Variants in FER1L6 observed in about 807,000 individuals in gnomAD.
The protein encoded by FER1L6 is fer-1 like family member 6.
A neutral mutation model predicts 219.2 loss-of-function variants in FER1L6; 177 were observed. The observed-to-expected ratio is 0.81, with a 90% CI of 0.71 to 0.91. The LOEUF is 0.91. Among genes scored for constraint, FER1L6 ranks in the 40% least tolerant of loss-of-function variants. The pLI, the probability that FER1L6 is intolerant of heterozygous loss-of-function variation, is 0.00. For missense variants in FER1L6, 2,153 were observed against 2,259.9 expected (o/e 0.95, Z 0.96); for synonymous variants, 768 against 824.3 (o/e 0.93, Z 1.17).
intron 37 of FER1L6, 75 bp from the exon 38 acceptor site, chr8:124,101,022 C>T: frequency 7.2e-7 from 1 of 1,380,590 alleles, no homozygotes; most frequent in South Asian, 1.2e-5. Flanking sequence ...TTGAAATAAG[C>T]TAAATCACTT....
chr8:124,091,461 C>A lies in FER1L6; in HGVS notation c.4430C>A (p.Thr1477Asn). ...YNAWRDTSKP[T>N]EILTKLCKDN... The stretch of plus-strand genomic sequence containing the variant: ...GCCTGGAGAGACACGTCCAAACCCA[C>A]CGAAATCCTCACTAAGCTCTGCAAA... Residue 1477 changes from threonine (T) to asparagine (N), a missense_variant, in exon 34 of 41, where the codon ACC becomes AAC. Physicochemically the swap from Thr to Asn is moderately conservative, Grantham distance 65. Transcript: ENST00000522917. 6.2e-7 allele frequency: 1 copy of A among 1,614,062 alleles called. No homozygotes were observed. The highest frequency in any genetic ancestry group is 1.1e-5 in the South Asian group (1 of 91,076).
chr8:124,024,584 A>G (rs1372736459), intron 18 of FER1L6, among the ~76,000 whole-genome samples: 1 of 152,112 alleles, frequency 6.6e-6, no homozygotes, highest in African/African-American at 2.4e-5. Context: ...TATATATCAC[A>G]TTTTCTTAAT....
intron 25 of FER1L6, 54 bp downstream of exon 25, chr8:124,062,086 C>T (rs1476826804): frequency 6.3e-7 from 1 of 1,579,520 alleles, no homozygotes; most frequent in Non-Finnish European, 8.7e-7. Context: ...ATGGTGCCTG[C>T]AGAGTGCCTG....
At chr8:123,883,683 T>A (rs189611828) in intron 1 of FER1L6, among the ~76,000 whole-genome samples, 1 of 152,316 alleles carries the variant, frequency 6.6e-6, no homozygotes, top group African/African-American at 2.4e-5. Flanking sequence ...GAACAAGGCA[T>A]CGGTAGATTC....
intron 1 of FER1L6, among the ~76,000 whole-genome samples, chr8:123,901,886 T>C (rs367572225): frequency 2.6e-5 from 4 of 151,938 alleles, no homozygotes; most frequent in African/African-American, 7.2e-5. Flanking sequence ...GCCTGGCCAA[T>C]TTTTTTGCAT....
intron 20 of FER1L6, among the ~76,000 whole-genome samples, chr8:124,043,041 C>T (rs1219960758): frequency 6.6e-6 from 1 of 152,178 alleles, no homozygotes; most frequent in Non-Finnish European, 1.5e-5. Context: ...CTGCCATTTG[C>T]AACAACCAGG....
chr8:123,954,366 C>T (rs1332747955), intron 1 of FER1L6, among the ~76,000 whole-genome samples: 1 of 152,244 alleles, frequency 6.6e-6, no homozygotes, highest in East Asian at 1.9e-4. Context: ...AACCTCATTT[C>T]CTTGCAAAGT....
intron 1 of FER1L6, among the ~76,000 whole-genome samples, chr8:123,874,723 C>G (rs1003338676): frequency 6.6e-6 from 1 of 152,194 alleles, no homozygotes; most frequent in Admixed American, 6.5e-5. Context: ...TGTTCTTCTC[C>G]ATCAGCATCT....
intron 1 of FER1L6, among the ~76,000 whole-genome samples, chr8:123,916,002 CAAT>C (rs1813178479): frequency 6.6e-6 from 1 of 152,116 alleles, no homozygotes; most frequent in Non-Finnish European, 1.5e-5. Context: ...AATGCTTGGA[CAAT>C]AATGTTTGCT....
At chr8:123,898,852 C>T (rs9774067) in intron 1 of FER1L6, among the ~76,000 whole-genome samples, 10 of 107,308 alleles carry the variant, frequency 9.3e-5, no homozygotes, top group Admixed American at 3.7e-4. Context: ...CATATATACA[C>T]ACACACACAC....
In FER1L6 at chr8:124,008,361, T is replaced by C. The variant is rs117756087; in HGVS notation, c.1701-2233T>C. ...ATCCACTCATTGATTGATGGGCAATTGGGCTAGTTCCACATTTTTCCAATC... is the reference window on the plus strand; with the variant it reads ...ATCCACTCATTGATTGATGGGCAATCGGGCTAGTTCCACATTTTTCCAATC... On this transcript the variant is annotated intron_variant, in intron 13 of 40. Coordinates refer to ENST00000522917, the MANE Select transcript of FER1L6 (RefSeq NM_001039112.2). Among the ~76,000 whole-genome samples, 1,362 of 152,350 alleles carry C rather than the reference T, an allele frequency of 8.9e-3. 16 individuals carry two copies. The highest frequency in any genetic ancestry group is 0.014 in the Non-Finnish European group (982 of 68,024).
In FER1L6 at chr8:124,051,324, G is replaced by A. The variant is rs71516726; in HGVS notation, c.2874+1568G>A. Among the ~76,000 whole-genome samples, 1,416 of 152,108 alleles carry A rather than the reference G, an allele frequency of 9.3e-3. 10 individuals are homozygous for A. Among genetic ancestry groups the A allele is most frequent in the South Asian group, 0.023 (112 of 4,814 alleles). ...CAACCTAAGACAGAGGTGTTGATCT[G>A]ACTAAAAGGTAAAGTACCACCAGGC... On this transcript the variant is annotated intron_variant, in intron 22 of 40. Coordinates refer to ENST00000522917, the MANE Select transcript of FER1L6 (RefSeq NM_001039112.2).
intron 1 of FER1L6, among the ~76,000 whole-genome samples, chr8:123,876,492 TTTG>T (rs1402998202): frequency 6.6e-6 from 1 of 151,850 alleles, no homozygotes; most frequent in East Asian, 1.9e-4. Context: ...CTACATTTTT[TTTG>T]TTTTTTGTTT....
chr8:123,969,995 G>T, intron 5 of FER1L6, 40 bp from the exon 6 acceptor site: 1 of 1,570,412 alleles, frequency 6.4e-7, no homozygotes. Flanking sequence ...TTAGGTGCAA[G>T]TCTGGGGTTG....
chr8:124,115,854 T>C (rs1413029811), intron 39 of FER1L6, among the ~76,000 whole-genome samples: 1 of 152,214 alleles, frequency 6.6e-6, no homozygotes, highest in East Asian at 1.9e-4. Context: ...TGCAGATCTG[T>C]CTATTCACAA....
At position 123,975,005 on chromosome 8, in the gene FER1L6, A is replaced by G. The variant is rs1815997978; in HGVS notation, c.527-145A>G. ...GGAGGGAAAGGAAGAGGGAAGCAGC[A>G]TGAGGTTTGGAAAAAACTGAGATGA... On this transcript the variant is annotated intron_variant, in intron 7 of 40. Coordinates refer to ENST00000522917, the MANE Select transcript of FER1L6 (RefSeq NM_001039112.2). 8.1e-6 allele frequency: 5 copies of G among 620,346 alleles called. No homozygotes were observed. In the South Asian group the frequency reaches 1.4e-4, roughly 17 times the overall value. 38.4% of individuals were successfully genotyped at this position (620,346 alleles called of 1,614,324 possible).
intron 32 of FER1L6, among the ~76,000 whole-genome samples, chr8:124,078,331 T>TA (rs1227904803): frequency 6.6e-6 from 1 of 152,160 alleles, no homozygotes; most frequent in African/African-American, 2.4e-5. Context: ...TCATGGCTCT[T>TA]ATAGTTTCCC....
chr8:124,109,804 C>T (rs1193412023), intron 39 of FER1L6, among the ~76,000 whole-genome samples: 1 of 152,174 alleles, frequency 6.6e-6, no homozygotes, highest in Non-Finnish European at 1.5e-5. Context: ...CAAGAAGCTG[C>T]TATCTTGAGG....
chr8:124,110,023 A>G (rs1320513379), intron 39 of FER1L6, among the ~76,000 whole-genome samples: 10 of 152,248 alleles, frequency 6.6e-5, no homozygotes, highest in Admixed American at 2.0e-4. Flanking sequence ...CTTCCCTAAT[A>G]TATGTTCCCC....
Sources: allele counts gnomAD v4.1 joint callset (sites outside exome capture counted in the v4.1 genomes callset), GRCh38; gene constraint gnomAD v4.1.1; transcripts MANE v1.5; gene names NCBI Gene and HGNC (gene_info 2026-07-23, HGNC 2026-07-21).